The following RBFOX1 variants were observed in gnomAD, a reference collection of about 807,000 sequenced individuals.
The protein encoded by RBFOX1 is RNA binding protein fox-1 homolog 1.
A neutral mutation model predicts 57.7 loss-of-function variants in RBFOX1; 8 were observed. The observed-to-expected ratio is 0.14, with a 90% CI of 0.08 to 0.25. RBFOX1 has a LOEUF of 0.25. Ranked by LOEUF, RBFOX1 falls within the 10% of genes least tolerant of loss-of-function variation. RBFOX1 has a pLI of 1.00. For missense variants in RBFOX1, 611 were observed against 548.5 expected, an observed-to-expected ratio of 1.11 and a Z score of -1.14; for synonymous variants, 326 against 222.4, an observed-to-expected ratio of 1.47 and a Z score of -4.15.
chr16:7,622,954 A>C (rs1273212336), intron 10 of RBFOX1, among the ~76,000 whole-genome samples: 1 of 152,190 alleles, frequency 6.6e-6, no homozygotes, highest in Non-Finnish European at 1.5e-5. Context: ...TCAAAAATGC[A>C]TGACTGTAAA....
intron 2 of RBFOX1, among the ~76,000 whole-genome samples, chr16:6,600,255 G>C (rs1031140700): frequency 6.6e-6 from 1 of 151,896 alleles, no homozygotes; most frequent in Non-Finnish European, 1.5e-5. Context: ...ACAGAATCTC[G>C]GGGCTTTTGT....
chr16:7,012,254 T>C lies in RBFOX1; in HGVS notation c.-15-39803T>C, dbSNP rs112898494. ...ATAACATCAGCAAGATGAAAGAAAT[T>C]TTCCCAGTTTTAAAGATACAGGATC... On this transcript the variant is annotated intron_variant, in intron 3 of 15. Coordinates refer to ENST00000550418, the MANE Select transcript of RBFOX1 (RefSeq NM_018723.4). Among the ~76,000 whole-genome samples the C allele has an allele frequency of 6.8e-3, 1,036 of 152,210 alleles. 15 individuals carry two copies. The highest frequency in any genetic ancestry group is 0.024 in the African/African-American group (987 of 41,520).
intron 4 of RBFOX1, among the ~76,000 whole-genome samples, chr16:7,472,335 G>A (rs11641748): frequency 0.55 from 83,696 of 151,678 alleles, 23,459 homozygotes; most frequent in East Asian, 0.74. Context: ...TGGAGGAGGG[G>A]ATCTTCGTCA....
chr16:5,655,346 A>G (rs1785022367), intron 3 of RBFOX1, among the ~76,000 whole-genome samples: 1 of 151,898 alleles, frequency 6.6e-6, no homozygotes, highest in South Asian at 2.1e-4. Flanking sequence ...AAGAGTCAAG[A>G]CTCCTGTTGC....
At chr16:6,656,896 C>T (rs867442732) in intron 3 of RBFOX1, among the ~76,000 whole-genome samples, 34 of 115,830 alleles carry the variant, frequency 2.9e-4, no homozygotes, top group African/African-American at 3.7e-4. Flanking sequence ...TCCTCTCCTC[C>T]CCTCAACTCT....
chr16:6,192,441 C>G (rs1251265951), intron 1 of RBFOX1, among the ~76,000 whole-genome samples: 1 of 151,964 alleles, frequency 6.6e-6, no homozygotes, highest in Non-Finnish European at 1.5e-5. Context: ...CCCTCTACCT[C>G]CCTCATTTCT....
intron 3 of RBFOX1, among the ~76,000 whole-genome samples, chr16:6,740,846 T>C (rs926100123): frequency 2.0e-5 from 3 of 152,172 alleles, no homozygotes; most frequent in Admixed American, 6.5e-5. Context: ...AGCAGAGTTT[T>C]TAAAAATAAA....
intron 1 of RBFOX1, among the ~76,000 whole-genome samples, chr16:6,208,510 C>T (rs897765501): frequency 3.9e-5 from 6 of 152,150 alleles, no homozygotes; most frequent in Admixed American, 3.3e-4. Flanking sequence ...AAGGCTTTGT[C>T]TGTCCCCATC....
chr16:5,283,989 A>C (rs1275502996), intron 1 of RBFOX1, among the ~76,000 whole-genome samples: 2 of 152,092 alleles, frequency 1.3e-5, no homozygotes, highest in East Asian at 3.9e-4. Context: ...CCCACATGTT[A>C]TTGGAGGGAC....
At chr16:5,387,205 G>T (rs780240208) in intron 1 of RBFOX1, among the ~76,000 whole-genome samples, 3 of 152,160 alleles carry the variant, frequency 2.0e-5, no homozygotes, top group Non-Finnish European at 4.4e-5. Context: ...GCCCTTAACA[G>T]GCTCTTGGTA....
chr16:7,126,632 T>C (rs1318956268), intron 4 of RBFOX1: 3 of 159,034 alleles, frequency 1.9e-5, no homozygotes, highest in African/African-American at 7.2e-5. Flanking sequence ...CTTCCTTTTC[T>C]TAGTCATCTT....
At chr16:7,141,691 A>T (rs2073831167) in intron 4 of RBFOX1, among the ~76,000 whole-genome samples, 1 of 152,162 alleles carries the variant, frequency 6.6e-6, no homozygotes, top group Non-Finnish European at 1.5e-5. Flanking sequence ...GAGCTACTAT[A>T]GTCTTTTGGA....
chr16:6,927,556 T>C (rs905579498), intron 3 of RBFOX1, among the ~76,000 whole-genome samples: 1 of 152,076 alleles, frequency 6.6e-6, no homozygotes, highest in Non-Finnish European at 1.5e-5. Context: ...GTTTTGTTTT[T>C]CGTTTTTGCA....
At chr16:6,908,717 T>G (rs762476289) in intron 3 of RBFOX1, among the ~76,000 whole-genome samples, 32 of 152,186 alleles carry the variant, frequency 2.1e-4, no homozygotes, top group Admixed American at 1.3e-4. Flanking sequence ...AGGGTCAGAA[T>G]GCCTTGTCCT....
At chr16:6,668,191 G>T (rs1218217963) in intron 3 of RBFOX1, among the ~76,000 whole-genome samples, 2 of 152,180 alleles carry the variant, frequency 1.3e-5, no homozygotes, top group Non-Finnish European at 2.9e-5. Flanking sequence ...GAAACAGATT[G>T]AATCTCTGGT....
intron 4 of RBFOX1, among the ~76,000 whole-genome samples, chr16:7,268,008 C>G (rs998275143): frequency 1.3e-5 from 2 of 152,324 alleles, no homozygotes; most frequent in Admixed American, 1.3e-4. Flanking sequence ...TGTACTCACA[C>G]AAACCCAGAT....
intron 4 of RBFOX1, among the ~76,000 whole-genome samples, chr16:7,173,338 C>A (rs1232901664): frequency 6.6e-6 from 1 of 152,154 alleles, no homozygotes; most frequent in Middle Eastern, 3.2e-3. Context: ...GTGCCACCAT[C>A]CACAACAGAT....
chr16:5,895,200 G>T (rs977082838), intron 4 of RBFOX1, among the ~76,000 whole-genome samples: 4 of 152,152 alleles, frequency 2.6e-5, no homozygotes, highest in African/African-American at 9.7e-5. Flanking sequence ...TAAATGCTGA[G>T]GTCATAGTGT....
At chr16:6,450,839 G>A (rs201704474) in intron 2 of RBFOX1, among the ~76,000 whole-genome samples, 4,769 of 13,462 alleles carry the variant, frequency 0.35, 1,013 homozygotes, top group East Asian at 0.58. Flanking sequence ...ATATATATGT[G>A]TATATATATA....
Sources: gnomAD v4.1 joint callset for allele counts (sites outside exome capture counted in the v4.1 genomes callset) on GRCh38, gnomAD v4.1.1 for gene constraint, MANE v1.5 for transcripts, NCBI Gene and HGNC (gene_info 2026-07-23, HGNC 2026-07-21) for gene names.